MAU2: variants seen among roughly 807,000 people sequenced by gnomAD.
MAU2 encodes the protein MAU2 sister chromatid cohesion factor, also known as MAU2 chromatid cohesion factor homolog.
Under a neutral mutation model 89.1 loss-of-function variants are expected in MAU2, and 9 were observed. That is an observed-to-expected ratio of 0.10 (90% CI 0.06 to 0.18). MAU2 has a LOEUF of 0.18. Among genes scored for constraint, MAU2 ranks in the 10% least tolerant of loss-of-function variants. The pLI, the probability that MAU2 is intolerant of heterozygous loss-of-function variation, is 1.00. For synonymous variants in MAU2, 357 were observed against 343.4 expected (o/e 1.04, Z -0.44); for missense variants, 425 against 803.5 (o/e 0.53, Z 5.69).
intron 6 of MAU2, 25 bp downstream of exon 6, chr19:19,340,898 G>A (rs775528897): frequency 6.0e-5 from 97 of 1,612,736 alleles, no homozygotes; most frequent in Middle Eastern, 1.8e-4. Context: ...GGCATGGCTG[G>A]ATGCAGCTGG....
At chr19:19,354,042 G>A (rs951040982) in intron 16 of MAU2, 1 of 400,542 alleles carries the variant, frequency 2.5e-6, no homozygotes, top group African/African-American at 2.0e-5. Context: ...CCCCCATTGT[G>A]GGTCTAGGGC....
chr19:19,343,015 A>C, intron 9 of MAU2, 149 bp downstream of exon 9: 1 of 772,664 alleles, frequency 1.3e-6, no homozygotes, highest in Non-Finnish European at 2.2e-6. Context: ...CTAGTTGATA[A>C]ATGCTGGTGT....
chr19:19,351,486 A>G (rs2061744103), intron 16 of MAU2, among the ~76,000 whole-genome samples: 1 of 42 alleles, frequency 0.024, no homozygotes, highest in Admixed American at 0.25. Flanking sequence ...CCTGACCAAC[A>G]TAGTAGATCT....
At chr19:19,327,719 G>A (rs561711281) in intron 1 of MAU2, among the ~76,000 whole-genome samples, 1 of 151,948 alleles carries the variant, frequency 6.6e-6, no homozygotes, top group African/African-American at 2.4e-5. Context: ...TGGTGTCTCG[G>A]TGACTCTTGC....
chr19:19,336,371 C>A (rs563292719), intron 3 of MAU2, among the ~76,000 whole-genome samples, 184 bp downstream of exon 3: 1 of 152,162 alleles, frequency 6.6e-6, no homozygotes, highest in African/African-American at 2.4e-5. Context: ...ACAATCATGG[C>A]TCACCGCAGC....
At position 19,342,666 on chromosome 19, in the gene MAU2, T is replaced by C; in HGVS notation, c.867T>C (p.Cys289=). Reference sequence around the variant, plus strand: ...ACTGGCTGCCCAAGGAGCACATGTGTGTGCTTGTCTACCTGGTGCGTCCCC... The same window carrying C: ...ACTGGCTGCCCAAGGAGCACATGTGCGTGCTTGTCTACCTGGTGCGTCCCC... ...LFHWLPKEHM[C]VLVYLVTVMH... The change falls in exon 8 of 19, where the codon TGT becomes TGC. Residue 289 remains cysteine, a synonymous_variant. Coordinates refer to ENST00000262815, the MANE Select transcript of MAU2 (RefSeq NM_015329.4). 1 of 1,612,558 alleles carries C rather than the reference T, an allele frequency of 6.2e-7. No homozygotes were observed. Among genetic ancestry groups the C allele is most frequent in the Non-Finnish European group, 8.5e-7 (1 of 1,179,268 alleles).
At chr19:19,340,435 C>G (rs1036819074) in intron 5 of MAU2, among the ~76,000 whole-genome samples, 1 of 151,782 alleles carries the variant, frequency 6.6e-6, no homozygotes, top group South Asian at 2.1e-4. Context: ...GTCAGGAGAT[C>G]GAGACCATCC....
intron 14 of MAU2, 40 bp downstream of exon 14, chr19:19,348,978 T>C (rs1481108735): frequency 6.2e-7 from 1 of 1,604,936 alleles, no homozygotes; most frequent in Non-Finnish European, 8.5e-7. Context: ...CGGCCTAGGC[T>C]CCCCGTGCTC....
intron 16 of MAU2, 31 bp from the exon 17 acceptor site, chr19:19,354,324 C>T (rs1211479829): frequency 4.4e-6 from 7 of 1,586,982 alleles, no homozygotes; most frequent in South Asian, 3.3e-5. Context: ...GTCCAGGCTC[C>T]TCACTCCCCC....
chr19:19,342,465 G>T (rs1200501289), intron 7 of MAU2, 70 bp from the exon 8 acceptor site: 2 of 1,499,904 alleles, frequency 1.3e-6, no homozygotes, highest in Non-Finnish European at 1.8e-6. Flanking sequence ...AGGAGCAGGG[G>T]TGGCTGGGCT....
chr19:19,331,955 G>A (rs2061558691), intron 1 of MAU2, among the ~76,000 whole-genome samples: 1 of 152,200 alleles, frequency 6.6e-6, no homozygotes, highest in Non-Finnish European at 1.5e-5. Flanking sequence ...GAAATCCCAT[G>A]CCATTTAGGG....
chr19:19,342,222 G>A (rs758041793), intron 7 of MAU2, among the ~76,000 whole-genome samples: 3 of 152,166 alleles, frequency 2.0e-5, no homozygotes, highest in Non-Finnish European at 4.4e-5. Flanking sequence ...TGCCGTCTCA[G>A]GTCTGGCTGC....
In MAU2 at chr19:19,328,936, C is replaced by T. The variant is rs1248049584; in HGVS notation, c.277-6782C>T. 1.7e-5 allele frequency: 7 copies of T among 412,926 alleles called. No homozygotes were observed. In the Admixed American group the frequency reaches 2.0e-4, roughly 12 times the overall value. The allele number at this position is 412,926 out of a possible 1,614,324, so 25.6% of individuals were successfully genotyped here. ...CATGCTTGCTTTCTCTGTGTCAATGCCATGCGTGCTTTCTCTGTGGTTGGA... is the reference window on the plus strand; with the variant it reads ...CATGCTTGCTTTCTCTGTGTCAATGTCATGCGTGCTTTCTCTGTGGTTGGA... On this transcript the variant is annotated intron_variant, in intron 1 of 18. Coordinates refer to ENST00000262815, the MANE Select transcript of MAU2 (RefSeq NM_015329.4).
intron 16 of MAU2, among the ~76,000 whole-genome samples, chr19:19,350,297 G>GAA (rs60619538): frequency 3.1e-3 from 410 of 130,220 alleles, no homozygotes; most frequent in Middle Eastern, 9.2e-3. Flanking sequence ...CTCTGTCTCA[G>GAA]AAAAAAAAAA....
At chr19:19,335,873 C>T (rs779480862) in intron 2 of MAU2, 138 bp downstream of exon 2, 2 of 1,001,512 alleles carry the variant, frequency 2.0e-6, no homozygotes, top group African/African-American at 3.2e-5. Flanking sequence ...GAGTGTCCCC[C>T]ACCTGGCCCT....
chr19:19,355,440 A>G (rs1427767398), intron 18 of MAU2, 49 bp downstream of exon 18: 1 of 1,603,436 alleles, frequency 6.2e-7, no homozygotes. Flanking sequence ...CGGGCTCCCC[A>G]CCTGCAAGAG....
At chr19:19,337,373 C>A in intron 4 of MAU2, 108 bp downstream of exon 4, 1 of 834,014 alleles carries the variant, frequency 1.2e-6, no homozygotes. Flanking sequence ...CAGACCCCCT[C>A]GGGCTGGCAC....
At chr19:19,334,002 G>A (rs1314276457) in intron 1 of MAU2, among the ~76,000 whole-genome samples, 1 of 152,198 alleles carries the variant, frequency 6.6e-6, no homozygotes, top group East Asian at 1.9e-4. Flanking sequence ...CGGCTCCTCT[G>A]TCACAGTCCC....
rs189912458 is a variant in MAU2 at position 19,331,375 on chromosome 19, G to A, written c.277-4343G>A. ...AAATTAGCCAGGCGTGGTGGCGGGCGCCTGTAGTCCCAGCTACTCAGGAGG... is the reference window on the plus strand; with the variant it reads ...AAATTAGCCAGGCGTGGTGGCGGGCACCTGTAGTCCCAGCTACTCAGGAGG... On this transcript the variant is annotated intron_variant, in intron 1 of 18. Transcript: ENST00000262815. 2.0e-4 allele frequency among the ~76,000 whole-genome samples: 31 copies of A among 151,982 alleles called. No homozygotes were observed. In the South Asian group the frequency reaches 4.6e-3, roughly 22 times the overall value.
Sources: gnomAD v4.1 joint callset for allele counts (sites outside exome capture counted in the v4.1 genomes callset) on GRCh38, gnomAD v4.1.1 for gene constraint, MANE v1.5 for transcripts, NCBI Gene and HGNC (gene_info 2026-07-23, HGNC 2026-07-21) for gene names.